FRMD7: variants seen among roughly 807,000 people sequenced by gnomAD.
FRMD7 encodes the protein FERM domain containing 7.
Under a neutral mutation model 44.1 loss-of-function variants are expected in FRMD7, and 14 were observed. That is an observed-to-expected ratio of 0.32 (90% CI 0.21 to 0.50). The LOEUF is 0.50. FRMD7 is among the 20% of genes least tolerant of loss of function. FRMD7 has a pLI of 0.99. For missense variants in FRMD7, 501 were observed against 522.3 expected (o/e 0.96, Z 0.40); for synonymous variants, 212 against 187.4 (o/e 1.13, Z -1.07).
chrX:132,099,548 C>T, intron 2 of FRMD7, 38 bp from the exon 3 acceptor site: 1 of 1,056,961 alleles, frequency 9.5e-7, no homozygotes, highest in South Asian at 2.0e-5. Context: ...TAGAGCATGG[C>T]ATTGAGCAGA....
chrX:132,077,697 G>A lies in FRMD7; in HGVS notation c.*175C>T, dbSNP rs1927646928. On this transcript the variant is annotated 3_prime_UTR_variant, in exon 12 of 12. Transcript: ENST00000298542. The stretch of plus-strand genomic sequence containing the variant: ...GTCCCTTCAGAGGTAATGGAAGAGT[G>A]AAACTCAAGGAATGAGGCAACAGCT... 2 of 640,578 alleles carry A rather than the reference G, an allele frequency of 3.1e-6. No individual in the cohort carries two copies. Among genetic ancestry groups the A allele is most frequent in the Non-Finnish European group, 4.7e-6 (2 of 423,227 alleles). The allele number at this position is 640,578 out of a possible 1,213,427, so 52.8% of individuals were successfully genotyped here. A position where few individuals can be genotyped will look rare whatever the true frequency, so the allele number is the denominator to read the frequency against.
chrX:132,122,334 G>C (rs1354908494), intron 1 of FRMD7, among the ~76,000 whole-genome samples: 3 of 111,757 alleles, frequency 2.7e-5, no homozygotes, highest in Non-Finnish European at 5.7e-5. Context: ...CAAATTGTTG[G>C]GGTTTGGTCT....
chrX:132,116,934 G>A (rs1928914976), intron 1 of FRMD7, among the ~76,000 whole-genome samples: 2 of 112,278 alleles, frequency 1.8e-5, no homozygotes, highest in South Asian at 3.7e-4. Context: ...GTGGTCAAGT[G>A]CATGGGCTCT....
intron 9 of FRMD7, among the ~76,000 whole-genome samples, chrX:132,081,159 C>A (rs1357076985): frequency 9.0e-6 from 1 of 111,397 alleles, no homozygotes; most frequent in Non-Finnish European, 1.9e-5. Context: ...ATGGTGAAAC[C>A]CCGTCTCTAC....
At chrX:132,085,145 C>G (rs912636646) in intron 7 of FRMD7, among the ~76,000 whole-genome samples, 1 of 111,807 alleles carries the variant, frequency 8.9e-6, no homozygotes, top group Admixed American at 9.6e-5. Context: ...CCAGCTCTGA[C>G]AGACCCTTCT....
intron 8 of FRMD7, among the ~76,000 whole-genome samples, chrX:132,083,611 C>A (rs1349801923): frequency 2.7e-5 from 3 of 111,997 alleles, no homozygotes; most frequent in Non-Finnish European, 5.6e-5. Flanking sequence ...ACTGCTGGAT[C>A]TTCAGTAGGT....
At chrX:132,088,562 A>AAAAAAAAAG (rs1928070193) in intron 5 of FRMD7, among the ~76,000 whole-genome samples, 1 of 110,545 alleles carries the variant, frequency 9.0e-6, no homozygotes, top group African/African-American at 3.3e-5. Flanking sequence ...TGTCTCAAAA[A>AAAAAAAAAG]AAAAAAAAGG....
intron 1 of FRMD7, among the ~76,000 whole-genome samples, chrX:132,120,226 G>A (rs1421519836): frequency 8.9e-6 from 1 of 112,742 alleles, no homozygotes; most frequent in Non-Finnish European, 1.9e-5. Context: ...GTTTGTGACA[G>A]GTCAAAACAA....
intron 1 of FRMD7, among the ~76,000 whole-genome samples, chrX:132,113,465 C>A (rs1928826922): frequency 2.7e-5 from 3 of 110,971 alleles, no homozygotes; most frequent in African/African-American, 9.9e-5. Context: ...GGAGTGGAAC[C>A]CAGGTCTTCT....
At chrX:132,103,716 C>T (rs977937588) in intron 1 of FRMD7, among the ~76,000 whole-genome samples, 2 of 112,048 alleles carry the variant, frequency 1.8e-5, no homozygotes, top group Admixed American at 1.9e-4. Flanking sequence ...TTGTTATATA[C>T]CAATTTGTTA....
chrX:132,121,750 ATTG>A (rs1156777980), intron 1 of FRMD7, among the ~76,000 whole-genome samples: 2 of 111,854 alleles, frequency 1.8e-5, no homozygotes, highest in African/African-American at 6.5e-5. Flanking sequence ...CAGTAATATT[ATTG>A]TTATTATTAT....
intron 7 of FRMD7, 67 bp from the exon 8 acceptor site, chrX:132,084,652 C>A (rs778132971): frequency 3.0e-6 from 2 of 663,506 alleles, no homozygotes; most frequent in East Asian, 3.2e-5. Flanking sequence ...ACAGTGCAAA[C>A]CTGATAGAAA....
In FRMD7 at chrX:132,094,183, TAAGA is replaced by T. The variant is rs762402456; in HGVS notation, c.285-48_285-45del. 3.8e-6 allele frequency: 3 copies of T among 796,009 alleles called. No homozygotes were observed. In the Admixed American group the frequency reaches 6.6e-5, roughly 18 times the overall value. 65.6% of individuals were successfully genotyped at this position (796,009 alleles called of 1,213,427 possible). A position where few individuals can be genotyped will look rare whatever the true frequency, so the allele number is the denominator to read the frequency against. On this transcript the variant is annotated intron_variant, in intron 4 of 11. Transcript: ENST00000298542. ...GAATCTCTTGAGAAAGAAACAGAAATAAGAAAGAAGCATTTTCCTTCTCCCAGAT... is the reference window on the plus strand; with the variant it reads ...GAATCTCTTGAGAAAGAAACAGAAATAAGAAGCATTTTCCTTCTCCCAGAT...
rs1212807685 is a variant in FRMD7 at position 132,127,793 on chromosome X, C to G, written c.52G>C (p.Val18Leu). The change falls in exon 1 of 12, where the codon GTT becomes CTT. Residue 18 changes from valine to leucine, a missense_variant. Transcript: ENST00000298542. ...FLDDSQKIFV[V>L]DQKSSGKALF... ...GCAATGTGATTTCCACTTACATCAACCACAAAAATCTTCTGGGAATCATCC... is the reference window on the plus strand; with the variant it reads ...GCAATGTGATTTCCACTTACATCAAGCACAAAAATCTTCTGGGAATCATCC... 1 of 1,198,130 alleles carries G rather than the reference C, an allele frequency of 8.3e-7. No individual in the cohort carries two copies. Among genetic ancestry groups the G allele is most frequent in the Non-Finnish European group, 1.1e-6 (1 of 884,268 alleles).
At chrX:132,110,993 T>G (rs1403541253) in intron 1 of FRMD7, among the ~76,000 whole-genome samples, 1 of 111,325 alleles carries the variant, frequency 9.0e-6, no homozygotes, top group Admixed American at 9.6e-5. Context: ...AAGAGCAGCC[T>G]GGGCAACATA....
chrX:132,110,620 T>G (rs1928754312), intron 1 of FRMD7, among the ~76,000 whole-genome samples: 1 of 111,724 alleles, frequency 9.0e-6, no homozygotes, highest in African/African-American at 3.3e-5. Flanking sequence ...ACAGACCACA[T>G]GCACAACAAG....
chrX:132,079,646 C>T (rs1927743324), intron 11 of FRMD7, among the ~76,000 whole-genome samples: 1 of 111,961 alleles, frequency 8.9e-6, no homozygotes, highest in African/African-American at 3.2e-5. Flanking sequence ...AAAACTTTAA[C>T]CCAAGACCTT....
At chrX:132,125,573 T>C (rs1929136061) in intron 1 of FRMD7, among the ~76,000 whole-genome samples, 1 of 111,632 alleles carries the variant, frequency 9.0e-6, no homozygotes, top group Admixed American at 9.5e-5. Flanking sequence ...AATAGAGCAT[T>C]CTTTAGGTTG....
At chrX:132,119,257 G>C (rs1928977972) in intron 1 of FRMD7, among the ~76,000 whole-genome samples, 1 of 112,404 alleles carries the variant, frequency 8.9e-6, no homozygotes, top group South Asian at 3.7e-4. Context: ...AGTAATGATT[G>C]TATGAAATAA....
Sources: gnomAD v4.1 joint callset for allele counts (sites outside exome capture counted in the v4.1 genomes callset) on GRCh38, gnomAD v4.1.1 for gene constraint, MANE v1.5 for transcripts, NCBI Gene and HGNC (gene_info 2026-07-23, HGNC 2026-07-21) for gene names.